Variants in CLEC16A observed in about 807,000 individuals in gnomAD.
The protein encoded by CLEC16A is C-type lectin domain containing 16A, also known as protein CLEC16A.
In CLEC16A, 51 loss-of-function variants were observed where a neutral mutation model predicts 109.5. The ratio of observed to expected loss-of-function variants is 0.47; its 90% confidence interval spans 0.37 to 0.59. The LOEUF (loss-of-function observed/expected upper bound fraction) is 0.59, where lower values mean the gene tolerates loss of function less well. Ranked by LOEUF, CLEC16A falls within the 20% of genes least tolerant of loss-of-function variation. CLEC16A has a pLI of 0.00. For synonymous variants in CLEC16A, 673 were observed against 564.2 expected, an observed-to-expected ratio of 1.19 and a Z score of -2.73; for missense variants, 1,339 against 1,394.0, an observed-to-expected ratio of 0.96 and a Z score of 0.63.
intron 13 of CLEC16A, chr16:11,027,129 T>C: frequency 1.3e-6 from 2 of 1,491,556 alleles, no homozygotes; most frequent in Non-Finnish European, 1.8e-6. Context: ...GCAGGAACTT[T>C]TGGCAAAGAA....
intron 17 of CLEC16A, among the ~76,000 whole-genome samples, chr16:11,049,860 C>T (rs1225698524): frequency 6.6e-6 from 1 of 152,200 alleles, no homozygotes; most frequent in African/African-American, 2.4e-5. Flanking sequence ...CAGGAACTGC[C>T]ACCCCTGCGG....
chr16:11,156,995 G>A (rs1281875044), intron 22 of CLEC16A: 19 of 1,147,524 alleles, frequency 1.7e-5, no homozygotes, highest in Non-Finnish European at 2.0e-5. Context: ...ACCTTCACCC[G>A]ACAGCAAAAA....
chr16:10,967,221 C>T (rs2042555856), intron 3 of CLEC16A, among the ~76,000 whole-genome samples: 1 of 152,202 alleles, frequency 6.6e-6, no homozygotes. Flanking sequence ...TGGCTTCCAT[C>T]ACGATCCCGG....
chr16:10,972,655 C>A, intron 6 of CLEC16A, 96 bp downstream of exon 6: 2 of 1,142,994 alleles, frequency 1.7e-6, no homozygotes, highest in Non-Finnish European at 2.6e-6. Context: ...TAGTCTAGCT[C>A]AGTCTGCTAC....
intron 19 of CLEC16A, among the ~76,000 whole-genome samples, chr16:11,111,791 A>G (rs1450642412): frequency 4.6e-5 from 7 of 152,206 alleles, no homozygotes; most frequent in Admixed American, 4.6e-4. Context: ...ATCAGTTTTC[A>G]TGTTTACCTT....
chr16:10,959,578 G>C (rs1353941761), intron 2 of CLEC16A, among the ~76,000 whole-genome samples: 1 of 152,130 alleles, frequency 6.6e-6, no homozygotes, highest in Non-Finnish European at 1.5e-5. Context: ...TTTTAGTAGA[G>C]ATGGTGTTTC....
At chr16:11,124,696 C>T (rs1597467607) in intron 21 of CLEC16A, among the ~76,000 whole-genome samples, 1 of 152,186 alleles carries the variant, frequency 6.6e-6, no homozygotes, top group Admixed American at 6.5e-5. Context: ...ATACCCAGTG[C>T]CATTCAGTTC....
chr16:11,014,419 G>A (rs1405775997), intron 11 of CLEC16A, among the ~76,000 whole-genome samples: 1 of 152,214 alleles, frequency 6.6e-6, no homozygotes, highest in African/African-American at 2.4e-5. Context: ...TTGTGCATGT[G>A]CAGTTGCATA....
At chr16:11,086,892 G>A (rs998825557) in intron 19 of CLEC16A, among the ~76,000 whole-genome samples, 12 of 152,130 alleles carry the variant, frequency 7.9e-5, no homozygotes, top group African/African-American at 2.4e-4. Flanking sequence ...ACCTCAGCTC[G>A]ACAGAGGCAG....
intron 10 of CLEC16A, among the ~76,000 whole-genome samples, chr16:10,997,408 C>G (rs1162446050): frequency 6.6e-6 from 1 of 152,120 alleles, no homozygotes; most frequent in Non-Finnish European, 1.5e-5. Flanking sequence ...TCTGGTATTC[C>G]CATAAAGCCC....
chr16:11,145,039 G>T (rs2053994096), intron 22 of CLEC16A, among the ~76,000 whole-genome samples: 1 of 152,180 alleles, frequency 6.6e-6, no homozygotes, highest in Non-Finnish European at 1.5e-5. Context: ...CCGGCAGGGG[G>T]AATGAGCGGG....
At chr16:11,013,304 T>C (rs1353156597) in intron 11 of CLEC16A, among the ~76,000 whole-genome samples, 2 of 152,202 alleles carry the variant, frequency 1.3e-5, no homozygotes, top group African/African-American at 4.8e-5. Context: ...CCTTTCCCCA[T>C]TCAGAGTGGA....
chr16:11,057,546 C>T (rs1397147761), intron 18 of CLEC16A, among the ~76,000 whole-genome samples: 1 of 152,226 alleles, frequency 6.6e-6, no homozygotes, highest in Non-Finnish European at 1.5e-5. Context: ...AATTTGCTTC[C>T]AGACTCATTG....
At chr16:11,090,714 G>A (rs566626975) in intron 19 of CLEC16A, among the ~76,000 whole-genome samples, 2 of 151,800 alleles carry the variant, frequency 1.3e-5, no homozygotes, top group East Asian at 3.9e-4. Flanking sequence ...GTGTGATCTT[G>A]GCTCACTGCA....
Position 11,131,413 on chromosome 16 carries a change from A to G in CLEC16A, c.2641+5267A>G, listed in dbSNP as rs1597494282. Among the ~76,000 whole-genome samples the G allele has an allele frequency of 3.9e-5, 6 of 152,210 alleles. No homozygotes were observed. The South Asian group carries it at 1.2e-3, about 32-fold the overall frequency. On this transcript the variant is annotated intron_variant, in intron 22 of 23. Transcript: ENST00000409790. ...AAATGACCCAGGGGTGTCAGGGGCT[A>G]CGGCCTCCCAGAACAGCCTTGCTCC...
intron 22 of CLEC16A, among the ~76,000 whole-genome samples, chr16:11,158,454 C>T (rs1353640055): frequency 6.6e-6 from 1 of 152,208 alleles, no homozygotes; most frequent in African/African-American, 2.4e-5. Flanking sequence ...GGCAGCTCTC[C>T]TGTCCAAATC....
At chr16:11,109,768 G>A (rs2051458922) in intron 19 of CLEC16A, among the ~76,000 whole-genome samples, 1 of 152,146 alleles carries the variant, frequency 6.6e-6, no homozygotes, top group Non-Finnish European at 1.5e-5. Context: ...TTCCCTCAAG[G>A]GATCAGTGTT....
chr16:11,018,551 C>T (rs1210372960), intron 11 of CLEC16A, among the ~76,000 whole-genome samples: 1 of 151,920 alleles, frequency 6.6e-6, no homozygotes, highest in African/African-American at 2.4e-5. Flanking sequence ...AGATGGAGAC[C>T]ATCCTGGCCA....
chr16:11,064,104 C>G (rs1023989336), intron 19 of CLEC16A, among the ~76,000 whole-genome samples: 5 of 152,196 alleles, frequency 3.3e-5, no homozygotes, highest in African/African-American at 1.2e-4. Context: ...TACCATTTAG[C>G]TAAGTTTTAT....
Sources: gnomAD v4.1 joint callset for allele counts (sites outside exome capture counted in the v4.1 genomes callset) on GRCh38, gnomAD v4.1.1 for gene constraint, MANE v1.5 for transcripts, NCBI Gene and HGNC (gene_info 2026-07-23, HGNC 2026-07-21) for gene names.